Variants in TTC33 observed in about 807,000 individuals in gnomAD.
TTC33 encodes tetratricopeptide repeat protein 33.
A neutral mutation model predicts 29.4 loss-of-function variants in TTC33; 24 were observed. The observed-to-expected ratio is 0.82, with a 90% confidence interval of 0.59 to 1.15. The LOEUF is 1.15. TTC33 is among the 50% of genes most tolerant of loss of function. TTC33 has a pLI of 0.00. For synonymous variants in TTC33, 107 were observed against 100.3 expected, an observed-to-expected ratio of 1.07 and a Z score of -0.40; for missense variants, 286 against 310.4, an observed-to-expected ratio of 0.92 and a Z score of 0.59.
rs1203460220 is a variant in TTC33, at chr5:40,722,812, A to C, written c.435+5533T>G. ...CCGCCCAGCCAGCCGCCCATCCGGG[A>C]GGTGGGGGGCGCAGCCCCCACCCGG... On this transcript the variant is annotated intron_variant, in intron 4 of 4. Transcript: ENST00000337702. Among the ~76,000 whole-genome samples, 4 of 144,922 alleles carry C rather than the reference A, an allele frequency of 2.8e-5. No homozygotes were observed. In the East Asian group the frequency reaches 8.7e-4, roughly 31 times the overall value.
intron 2 of TTC33, among the ~76,000 whole-genome samples, chr5:40,740,402 AT>A (rs1289394981): frequency 6.6e-6 from 1 of 151,976 alleles, no homozygotes; most frequent in Non-Finnish European, 1.5e-5. Context: ...TCTGAAAGAT[AT>A]TTTTATAATA....
intron 2 of TTC33, among the ~76,000 whole-genome samples, chr5:40,741,363 T>C (rs1040402860): frequency 6.6e-6 from 1 of 152,190 alleles, no homozygotes; most frequent in African/African-American, 2.4e-5. Context: ...AGACACTCCA[T>C]TCTGAATGGC....
chr5:40,739,916 G>T (rs542013793), intron 2 of TTC33, among the ~76,000 whole-genome samples: 1 of 152,022 alleles, frequency 6.6e-6, no homozygotes, highest in African/African-American at 2.4e-5. Context: ...TTAGATTTGG[G>T]AATAATACTA....
chr5:40,728,602 A>G (rs1284095900), intron 3 of TTC33, 126 bp from the exon 4 acceptor site: 1 of 847,678 alleles, frequency 1.2e-6, no homozygotes, highest in Non-Finnish European at 1.7e-6. Context: ...GGTGATTTTT[A>G]CCCCTTACTC....
chr5:40,720,514 C>T lies in TTC33; in HGVS notation c.436-4016G>A, dbSNP rs143770155. Among the ~76,000 whole-genome samples, 260 of 152,268 alleles carry T rather than the reference C, an allele frequency of 1.7e-3. 1 individual carries two copies. Among genetic ancestry groups the T allele is most frequent in the African/African-American group, 5.9e-3 (245 of 41,554 alleles). On this transcript the variant is annotated intron_variant, in intron 4 of 4. Transcript: ENST00000337702. ...AAGTAAATCCAAAGAGCTGCAATTA[C>T]ATTTTCAAATTTAAGATAGTTTAAA...
chr5:40,721,478 A>C (rs1327889176), intron 4 of TTC33, among the ~76,000 whole-genome samples: 4 of 152,226 alleles, frequency 2.6e-5, no homozygotes, highest in Non-Finnish European at 5.9e-5. Flanking sequence ...CTGATCTTCA[A>C]CAAGGGCATT....
At position 40,716,516 on chromosome 5, in the gene TTC33, A is replaced by G. The variant is rs1742003466; in HGVS notation, c.436-18T>C. 6.5e-7 allele frequency: 1 copy of G among 1,547,604 alleles called. No homozygotes were observed. Among genetic ancestry groups the G allele is most frequent in the South Asian group, 1.2e-5 (1 of 82,618 alleles). The stretch of plus-strand genomic sequence containing the variant: ...CGAATTGCCTAGAAAATAAGGTCAG[A>G]GTTTTTTGTTTTGGTTTTAAAAATT... On this transcript the variant is annotated intron_variant, in intron 4 of 4. Transcript: ENST00000337702.
At chr5:40,724,132 C>A (rs1403116537) in intron 4 of TTC33, among the ~76,000 whole-genome samples, 6 of 152,236 alleles carry the variant, frequency 3.9e-5, no homozygotes. Flanking sequence ...CCTAAATGTC[C>A]ATCAAAGGAA....
At chr5:40,720,076 T>C (rs1319185359) in intron 4 of TTC33, among the ~76,000 whole-genome samples, 2 of 152,230 alleles carry the variant, frequency 1.3e-5, no homozygotes, top group Non-Finnish European at 2.9e-5. Flanking sequence ...TCTTTTGTTG[T>C]TTGTGCTTCC....
Position 40,715,127 on chromosome 5 carries a change from TAAC to T in TTC33, c.*1015_*1017del, listed in dbSNP as rs2111856260. The T allele has an allele frequency of 6.6e-6, 1 of 152,222 alleles. No homozygotes were observed. The highest frequency in any genetic ancestry group is 1.9e-4 in the East Asian group (1 of 5,184). 9.4% of individuals were successfully genotyped at this position (152,222 alleles called of 1,614,324 possible). A position where few individuals can be genotyped will look rare whatever the true frequency, so the allele number is the denominator to read the frequency against. ...AGTTATTTATTCATTGGCACTCTAATAACAGCCCTACTTTTTTATTTTTAGAAA... is the reference window on the plus strand; with the variant it reads ...AGTTATTTATTCATTGGCACTCTAATAGCCCTACTTTTTTATTTTTAGAAA... On this transcript the variant is annotated 3_prime_UTR_variant, in exon 5 of 5. Transcript: ENST00000337702.
chr5:40,737,645 T>G (rs1742584437), intron 2 of TTC33, among the ~76,000 whole-genome samples: 1 of 152,212 alleles, frequency 6.6e-6, no homozygotes, highest in Non-Finnish European at 1.5e-5. Context: ...TGATGAGTTT[T>G]GAGAAATGTA....
At chr5:40,729,628 A>G (rs1265267762) in intron 3 of TTC33, among the ~76,000 whole-genome samples, 2 of 152,216 alleles carry the variant, frequency 1.3e-5, no homozygotes, top group Non-Finnish European at 2.9e-5. Context: ...TAAGTCTACT[A>G]TATTTAATCA....
In TTC33 at chr5:40,745,083, CTT is replaced by C. The variant is rs1365459769; in HGVS notation, c.221+1713_221+1714del. Among the ~76,000 whole-genome samples, 11 of 152,292 alleles carry C rather than the reference CTT, an allele frequency of 7.2e-5. No individual in the cohort carries two copies. The South Asian group carries it at 2.3e-3, about 32-fold the overall frequency. On this transcript the variant is annotated intron_variant, in intron 2 of 4. Transcript: ENST00000337702. ...ATCAAATAGAAAATTGGTCTGGACTCTTCCAATAGTCAGTGTCATGGGGGATA... is the reference window on the plus strand; with the variant it reads ...ATCAAATAGAAAATTGGTCTGGACTCCCAATAGTCAGTGTCATGGGGGATA...
Position 40,716,080 on chromosome 5 carries a change from T to A in TTC33, c.*65A>T. 7.5e-7 allele frequency: 1 copy of A among 1,328,660 alleles called. No individual in the cohort carries two copies. Among genetic ancestry groups the A allele is most frequent in the Non-Finnish European group, 1.0e-6 (1 of 976,054 alleles). 82.3% of individuals were successfully genotyped at this position (1,328,660 alleles called of 1,614,324 possible). On this transcript the variant is annotated 3_prime_UTR_variant, in exon 5 of 5. Coordinates refer to ENST00000337702, the MANE Select transcript of TTC33 (RefSeq NM_012382.3). ...CTCCTATCTATCTCCAGAGTAAATG[T>A]CTCTATGTCAAAACTTCAAGAGGCA... is the stretch of plus-strand genomic sequence containing the variant.
intron 4 of TTC33, among the ~76,000 whole-genome samples, chr5:40,726,146 TA>T (rs1429208986): frequency 7.6e-5 from 8 of 104,602 alleles, no homozygotes; most frequent in Non-Finnish European, 1.5e-4. Flanking sequence ...AAGTCTTTTA[TA>T]TATATATATA....
intron 1 of TTC33, among the ~76,000 whole-genome samples, chr5:40,754,062 A>G (rs1206842066): frequency 1.3e-5 from 2 of 152,226 alleles, no homozygotes; most frequent in Admixed American, 1.3e-4. Flanking sequence ...CCCATCTTCC[A>G]ACCCAAACCA....
chr5:40,746,458 A>G (rs1016573799), intron 2 of TTC33, among the ~76,000 whole-genome samples: 1 of 152,204 alleles, frequency 6.6e-6, no homozygotes, highest in African/African-American at 2.4e-5. Flanking sequence ...TTATAAGCAG[A>G]AAGTTTCCAG....
At chr5:40,739,013 CAATT>C (rs1222766301) in intron 2 of TTC33, among the ~76,000 whole-genome samples, 1 of 152,156 alleles carries the variant, frequency 6.6e-6, no homozygotes, top group East Asian at 1.9e-4. Flanking sequence ...TTCATGTTCT[CAATT>C]AAGCCTTTTA....
At chr5:40,728,199 G>C in intron 4 of TTC33, 146 bp downstream of exon 4, 1 of 544,534 alleles carries the variant, frequency 1.8e-6, no homozygotes, top group South Asian at 2.9e-5. Context: ...CAGGAGAATC[G>C]CTTGAACCCA....
Sources: allele counts gnomAD v4.1 joint callset (sites outside exome capture counted in the v4.1 genomes callset), GRCh38; gene constraint gnomAD v4.1.1; transcripts MANE v1.5; gene names NCBI Gene and HGNC (gene_info 2026-07-23, HGNC 2026-07-21).